The following CSMD1 variants were observed in gnomAD, a reference collection of about 807,000 sequenced individuals.
CSMD1 encodes the protein CUB and sushi domain-containing protein 1.
A neutral mutation model predicts 417.5 loss-of-function variants in CSMD1; 213 were observed. That is an observed-to-expected ratio of 0.51 (90% CI 0.46 to 0.57). CSMD1 has a LOEUF of 0.57. Among genes scored for constraint, CSMD1 ranks in the 20% least tolerant of loss-of-function variants. The pLI is 0.00. For synonymous variants in CSMD1, 2,862 were observed against 1,736.8 expected (o/e 1.65, Z -16.11); for missense variants, 6,923 against 4,529.7 (o/e 1.53, Z -15.17).
At chr8:4,728,607 C>T (rs937885678) in intron 1 of CSMD1, among the ~76,000 whole-genome samples, 1 of 152,148 alleles carries the variant, frequency 6.6e-6, no homozygotes, top group Admixed American at 6.5e-5. Context: ...CATGTCCTTC[C>T]TATTCCAAAT....
chr8:3,268,287 CTATTTTTTTT>C (rs1230045063), intron 26 of CSMD1, among the ~76,000 whole-genome samples: 1 of 114,652 alleles, frequency 8.7e-6, no homozygotes, highest in Non-Finnish European at 1.7e-5. Flanking sequence ...GGTTCATTTC[CTATTTTTTTT>C]TTTTTTTTTT....
At chr8:4,147,638 G>A (rs1160855487) in intron 3 of CSMD1, among the ~76,000 whole-genome samples, 1 of 152,264 alleles carries the variant, frequency 6.6e-6, no homozygotes, top group South Asian at 2.1e-4. Flanking sequence ...TGTAGTGCAT[G>A]AAGGTTACTC....
At chr8:3,833,934 G>C (rs1454669158) in intron 5 of CSMD1, among the ~76,000 whole-genome samples, 6 of 152,050 alleles carry the variant, frequency 3.9e-5, no homozygotes, top group Non-Finnish European at 8.8e-5. Context: ...TGTATTATTG[G>C]TTGGTTGTTG....
At chr8:4,328,990 T>C (rs28413955) in intron 3 of CSMD1, among the ~76,000 whole-genome samples, 5,569 of 152,322 alleles carry the variant, frequency 0.037, 285 homozygotes, top group African/African-American at 0.11. Context: ...TTTATTTTTG[T>C]GTTTACTATT....
At chr8:4,733,509 C>A (rs1043349040) in intron 1 of CSMD1, among the ~76,000 whole-genome samples, 3 of 152,154 alleles carry the variant, frequency 2.0e-5, no homozygotes, top group Non-Finnish European at 2.9e-5. Flanking sequence ...ATAATCCTCT[C>A]AATGGTGCAA....
intron 5 of CSMD1, among the ~76,000 whole-genome samples, chr8:3,788,690 G>A (rs1272670169): frequency 6.6e-6 from 1 of 152,178 alleles, no homozygotes; most frequent in African/African-American, 2.4e-5. Flanking sequence ...TCCATCTACA[G>A]ACACAGTTAT....
At position 3,791,799 on chromosome 8, in the gene CSMD1, G is replaced by C. The variant is rs1041128838; in HGVS notation, c.819-37757C>G. 4.0e-5 allele frequency among the ~76,000 whole-genome samples: 6 copies of C among 151,848 alleles called. No homozygotes were observed. In the South Asian group the frequency reaches 6.2e-4, roughly 16 times the overall value. On this transcript the variant is annotated intron_variant, in intron 5 of 69. Coordinates refer to ENST00000635120, the MANE Select transcript of CSMD1 (RefSeq NM_033225.6). ...CGTCGCAGCACTGCACTCCAGCCTGGGTGACAGAATAAGACTCAGTATCAA... is the reference window on the plus strand; with the variant it reads ...CGTCGCAGCACTGCACTCCAGCCTGCGTGACAGAATAAGACTCAGTATCAA...
chr8:4,628,360 GTA>G (rs1404898253), intron 2 of CSMD1, among the ~76,000 whole-genome samples: 4 of 149,122 alleles, frequency 2.7e-5, no homozygotes, highest in East Asian at 2.0e-4. Flanking sequence ...ATACTTCTAT[GTA>G]TGTGTGTGTG....
intron 46 of CSMD1, among the ~76,000 whole-genome samples, chr8:3,097,497 T>C (rs533805154): frequency 6.6e-6 from 1 of 152,152 alleles, no homozygotes; most frequent in Non-Finnish European, 1.5e-5. Flanking sequence ...AGAGCCCTAG[T>C]GATGCCTGAT....
intron 1 of CSMD1, among the ~76,000 whole-genome samples, chr8:4,906,260 T>G (rs1044432751): frequency 1.3e-5 from 2 of 152,220 alleles, no homozygotes; most frequent in African/African-American, 4.8e-5. Context: ...CTGAACTCTT[T>G]TCCAAGTAAA....
chr8:3,380,622 G>C (rs746420882), intron 18 of CSMD1, among the ~76,000 whole-genome samples: 2 of 151,980 alleles, frequency 1.3e-5, no homozygotes, highest in Non-Finnish European at 2.9e-5. Flanking sequence ...CATCACTGTC[G>C]GTAGACTAAC....
At chr8:4,837,276 A>G (rs559667627) in intron 1 of CSMD1, among the ~76,000 whole-genome samples, 1 of 152,346 alleles carries the variant, frequency 6.6e-6, no homozygotes, top group South Asian at 2.1e-4. Context: ...AAATCTACAC[A>G]TCAAGAGATA....
At chr8:2,980,811 C>T (rs760743135) in intron 54 of CSMD1, among the ~76,000 whole-genome samples, 1 of 152,176 alleles carries the variant, frequency 6.6e-6, no homozygotes, top group Non-Finnish European at 1.5e-5. Context: ...ATTAGAATTG[C>T]TTGGAGGATG....
intron 10 of CSMD1, among the ~76,000 whole-genome samples, chr8:3,558,356 CCAA>C: frequency 8.6e-6 from 1 of 116,584 alleles, no homozygotes; most frequent in South Asian, 3.1e-4. Context: ...GTCCACTCCT[CCAA>C]TGATGAATGG....
At chr8:3,115,335 G>A (rs547783206) in intron 42 of CSMD1, among the ~76,000 whole-genome samples, 2 of 151,952 alleles carry the variant, frequency 1.3e-5, no homozygotes, top group Non-Finnish European at 2.9e-5. Context: ...CCAGGTAGCT[G>A]GGATTACAGG....
At chr8:4,000,079 C>A (rs1036626630) in intron 4 of CSMD1, among the ~76,000 whole-genome samples, 3 of 152,246 alleles carry the variant, frequency 2.0e-5, no homozygotes, top group African/African-American at 7.2e-5. Flanking sequence ...CTTCCTGTGC[C>A]CACTACCAAA....
chr8:4,261,018 A>C (rs1803843163), intron 3 of CSMD1, among the ~76,000 whole-genome samples: 1 of 152,178 alleles, frequency 6.6e-6, no homozygotes, highest in African/African-American at 2.4e-5. Context: ...ACAAAGTTCA[A>C]CGTAGACATC....
chr8:3,878,951 C>G (rs558978983), intron 5 of CSMD1, among the ~76,000 whole-genome samples: 1 of 152,124 alleles, frequency 6.6e-6, no homozygotes, highest in South Asian at 2.1e-4. Context: ...TAATATATGA[C>G]TAAGTTTTTA....
intron 49 of CSMD1, among the ~76,000 whole-genome samples, chr8:3,054,130 A>T (rs1186942781): frequency 1.3e-5 from 2 of 152,226 alleles, no homozygotes; most frequent in African/African-American, 2.4e-5. Flanking sequence ...AGCACAGGTT[A>T]TCTCCGGTAT....
Sources: allele counts gnomAD v4.1 joint callset (sites outside exome capture counted in the v4.1 genomes callset), GRCh38; gene constraint gnomAD v4.1.1; transcripts MANE v1.5; gene names NCBI Gene and HGNC (gene_info 2026-07-23, HGNC 2026-07-21).